TEK: variants seen among roughly 807,000 people sequenced by gnomAD.
TEK encodes the protein TEK receptor tyrosine kinase, also known as angiopoietin-1 receptor.
In TEK, 43 loss-of-function variants were observed where a neutral mutation model predicts 131.8. That is an observed-to-expected ratio of 0.33 (90% CI 0.26 to 0.42). The LOEUF is 0.42. Among genes scored for constraint, TEK ranks in the 10% least tolerant of loss-of-function variants. The pLI is 1.00. For synonymous variants in TEK, 580 were observed against 491.6 expected, an observed-to-expected ratio of 1.18 and a Z score of -2.38; for missense variants, 1,162 against 1,384.4, an observed-to-expected ratio of 0.84 and a Z score of 2.55.
At chr9:27,198,907 C>G (rs1825118768) in intron 12 of TEK, among the ~76,000 whole-genome samples, 1 of 152,198 alleles carries the variant, frequency 6.6e-6, no homozygotes, top group African/African-American at 2.4e-5. Context: ...AAGCAATCCT[C>G]CCACCTCAGC....
chr9:27,138,010 G>A (rs1008917807), intron 1 of TEK, among the ~76,000 whole-genome samples: 8 of 151,946 alleles, frequency 5.3e-5, no homozygotes, highest in South Asian at 2.1e-4. Context: ...GAGTGAAGCC[G>A]CAAACCTTCC....
chr9:27,218,130 T>TTGGG (rs9298888), intron 19 of TEK, among the ~76,000 whole-genome samples: 26,696 of 138,236 alleles, frequency 0.19, 3,564 homozygotes, highest in East Asian at 0.46. Flanking sequence ...GGCCAGACAG[T>TTGGG]GGCGGGGGTC....
intron 20 of TEK, among the ~76,000 whole-genome samples, chr9:27,219,842 C>T (rs778867793): frequency 2.7e-5 from 4 of 145,544 alleles, no homozygotes; most frequent in Admixed American, 2.1e-4. Context: ...GGTTCCTTCC[C>T]CTGAAGCAAT....
At position 27,198,975 on chromosome 9, in the gene TEK, T is replaced by G. The variant is rs114600606; in HGVS notation, c.1909+1376T>G. 6.0e-3 allele frequency among the ~76,000 whole-genome samples: 913 copies of G among 152,038 alleles called. 9 individuals carry two copies. Among genetic ancestry groups the G allele is most frequent in the African/African-American group, 0.021 (871 of 41,488 alleles). On this transcript the variant is annotated intron_variant, in intron 12 of 22. Transcript: ENST00000380036. ...ACCACACCTGACTTTTTTTAAAAATTTTTTTGTAGAGATGGGATCTCCCTA... is the reference window on the plus strand; with the variant it reads ...ACCACACCTGACTTTTTTTAAAAATGTTTTTGTAGAGATGGGATCTCCCTA...
chr9:27,189,563 A>T (rs1586990141), intron 9 of TEK, among the ~76,000 whole-genome samples: 1 of 152,156 alleles, frequency 6.6e-6, no homozygotes, highest in Admixed American at 6.6e-5. Context: ...ACCCATTCCA[A>T]TCCCTTGAGT....
intron 2 of TEK, among the ~76,000 whole-genome samples, chr9:27,165,884 G>T (rs1429837080): frequency 1.3e-5 from 2 of 152,222 alleles, no homozygotes; most frequent in African/African-American, 2.4e-5. Flanking sequence ...GCTAGGATCC[G>T]CAGGCACAGC....
chr9:27,199,855 T>C (rs1045196048), intron 12 of TEK, among the ~76,000 whole-genome samples: 5 of 152,212 alleles, frequency 3.3e-5, no homozygotes, highest in African/African-American at 1.2e-4. Flanking sequence ...CCACAGACAC[T>C]TGACATTTTG....
intron 9 of TEK, among the ~76,000 whole-genome samples, chr9:27,189,934 A>G (rs576276462): frequency 2.7e-4 from 41 of 152,336 alleles, no homozygotes; most frequent in Middle Eastern, 6.8e-3. Context: ...TAATCATACT[A>G]CAAAGAGTAA....
chr9:27,218,634 C>G (rs1337214033), intron 19 of TEK, 143 bp from the exon 20 acceptor site: 1 of 803,062 alleles, frequency 1.2e-6, no homozygotes, highest in Non-Finnish European at 2.2e-6. Flanking sequence ...GAAACCTACA[C>G]TGTGTGCAAG....
At chr9:27,228,110 T>G in intron 21 of TEK, 96 bp from the exon 22 acceptor site, 1 of 971,918 alleles carries the variant, frequency 1.0e-6, no homozygotes, top group Non-Finnish European at 1.6e-6. Context: ...TTCATAACCA[T>G]GCATTGGGTG....
chr9:27,201,626 A>G (rs957434501), intron 12 of TEK, among the ~76,000 whole-genome samples: 2 of 152,204 alleles, frequency 1.3e-5, no homozygotes, highest in Non-Finnish European at 2.9e-5. Context: ...TCTAAATCCA[A>G]TACCTAATTC....
chr9:27,228,586 AAT>A (rs1269028922), intron 22 of TEK, among the ~76,000 whole-genome samples: 7 of 152,170 alleles, frequency 4.6e-5, no homozygotes, highest in Non-Finnish European at 8.8e-5. Context: ...CTGACCCTTT[AAT>A]TTTATAGATG....
intron 15 of TEK, among the ~76,000 whole-genome samples, chr9:27,207,146 G>C (rs1825427097): frequency 6.6e-6 from 1 of 152,212 alleles, no homozygotes; most frequent in South Asian, 2.1e-4. Context: ...AAAACAGGCT[G>C]TTGGGCCCTA....
intron 11 of TEK, among the ~76,000 whole-genome samples, chr9:27,193,362 G>A (rs1375327223): frequency 6.6e-6 from 1 of 152,158 alleles, no homozygotes; most frequent in Non-Finnish European, 1.5e-5. Flanking sequence ...TGGGGCCGGG[G>A]TTCAAAAATT....
In TEK at chr9:27,150,794, A is replaced by G. The variant is rs186917993; in HGVS notation, c.53-7037A>G. Among the ~76,000 whole-genome samples the G allele has an allele frequency of 2.8e-4, 42 of 152,312 alleles. No homozygotes were observed. The East Asian group carries it at 7.0e-3, about 25-fold the overall frequency. On this transcript the variant is annotated intron_variant, in intron 1 of 22. Transcript: ENST00000380036. ...ATGCTCTGTCTGTTCCCTGGAAATA[A>G]AAAGTTTCCTGCCAGCTGACTGATC... is the stretch of plus-strand genomic sequence containing the variant.
chr9:27,160,010 G>GTTTTTTT (rs563961610), intron 2 of TEK, among the ~76,000 whole-genome samples: 11 of 84,342 alleles, frequency 1.3e-4, no homozygotes, highest in African/African-American at 5.3e-4. Context: ...GCTGTTTAGG[G>GTTTTTTT]TTTTTTTTTT....
intron 7 of TEK, among the ~76,000 whole-genome samples, chr9:27,181,676 T>C (rs771872959): frequency 6.6e-6 from 1 of 152,214 alleles, no homozygotes; most frequent in Non-Finnish European, 1.5e-5. Flanking sequence ...TGGCTGCTTT[T>C]GTACTACAAG....
rs757042677 is a variant in TEK, at chr9:27,172,617, A to G, written c.630A>G (p.Arg210=). Residue 210 remains arginine (R), a splice_region_variant and synonymous_variant, in exon 5 of 23, where the codon AGA becomes AGG. Transcript: ENST00000380036. The part of the protein sequence containing the change: ...TSAFTRLIVR[R]CEAQKWGPEC... Reference sequence around the variant, plus strand: ...CAGCCTTGTTTTCCTTAACAAAAGGATGTGAAGCCCAGAAGTGGGGACCTG... The same window carrying G: ...CAGCCTTGTTTTCCTTAACAAAAGGGTGTGAAGCCCAGAAGTGGGGACCTG... The G allele has an allele frequency of 6.2e-7, 1 of 1,613,472 alleles. No individual in the cohort carries two copies. Among genetic ancestry groups the G allele is most frequent in the Non-Finnish European group, 8.5e-7 (1 of 1,179,540 alleles).
At chr9:27,115,197 A>G (rs1397066418) in intron 1 of TEK, among the ~76,000 whole-genome samples, 2 of 152,294 alleles carry the variant, frequency 1.3e-5, no homozygotes, top group South Asian at 2.1e-4. Flanking sequence ...TGAAATAGCA[A>G]TATCTGAATT....
Sources: allele counts gnomAD v4.1 joint callset (sites outside exome capture counted in the v4.1 genomes callset), GRCh38; gene constraint gnomAD v4.1.1; transcripts MANE v1.5; gene names NCBI Gene and HGNC (gene_info 2026-07-23, HGNC 2026-07-21).